MAP2K4: variants seen among roughly 807,000 people sequenced by gnomAD.
MAP2K4 encodes dual specificity mitogen-activated protein kinase kinase 4.
In MAP2K4, 4 loss-of-function variants were observed where a neutral mutation model predicts 48.5. The observed-to-expected ratio is 0.08, with a 90% CI of 0.04 to 0.19. The LOEUF (loss-of-function observed/expected upper bound fraction) is 0.19. Among genes scored for constraint, MAP2K4 ranks in the 10% least tolerant of loss-of-function variants. The pLI is 1.00. For missense variants in MAP2K4, 258 were observed against 493.3 expected (o/e 0.52, Z 4.52); for synonymous variants, 166 against 173.1 (o/e 0.96, Z 0.32).
At chr17:12,115,319 G>A (rs1300054189) in intron 7 of MAP2K4, among the ~76,000 whole-genome samples, 1 of 152,112 alleles carries the variant, frequency 6.6e-6, no homozygotes, top group Non-Finnish European at 1.5e-5. Context: ...CAATTTTGTT[G>A]TGCAAAATCA....
chr17:12,143,039 T>A lies in MAP2K4; in HGVS notation c.*1779T>A, dbSNP rs1266242857. 4.3e-6 allele frequency: 1 copy of A among 232,916 alleles called. No homozygotes were observed. Among genetic ancestry groups the A allele is most frequent in the Non-Finnish European group, 8.5e-6 (1 of 117,880 alleles). The allele number at this position is 232,916 out of a possible 1,614,324, so 14.4% of individuals were successfully genotyped here. A position where few individuals can be genotyped will look rare whatever the true frequency, so the allele number is the denominator to read the frequency against. On this transcript the variant is annotated 3_prime_UTR_variant, in exon 11 of 11. Transcript: ENST00000353533. ...GTAAATTGCAGAATTCAAAAGTGAT[T>A]ATCTCTTTGATCTACTTGCCTCATT...
At chr17:12,110,342 G>T (rs776902856) in intron 5 of MAP2K4, 33 bp from the exon 6 acceptor site, 6 of 1,512,026 alleles carry the variant, frequency 4.0e-6, no homozygotes, top group Non-Finnish European at 5.5e-6. Flanking sequence ...AAAGAAACAA[G>T]TTGTTTATCC....
rs755154596 is a variant in MAP2K4, at chr17:12,081,885, C to T, written c.393+355C>T. ...GAGCCAGGCGGGAGCTGGAAGAAGA[C>T]GCAGCACACTGGGTTGGGCAAGGTG... On this transcript the variant is annotated intron_variant, in intron 3 of 10. Coordinates refer to ENST00000353533, the MANE Select transcript of MAP2K4 (RefSeq NM_003010.4). The surrounding 1 kb of genome is among the most constrained non-coding windows in gnomAD (Gnocchi z 4.2). 1.6e-4 allele frequency: 84 copies of T among 540,364 alleles called. No individual in the cohort carries two copies. Among genetic ancestry groups the T allele is most frequent in the Admixed American group, 7.6e-4 (39 of 51,394 alleles). The allele number at this position is 540,364 out of a possible 1,614,324, so 33.5% of individuals were successfully genotyped here.
intron 1 of MAP2K4, among the ~76,000 whole-genome samples, chr17:12,024,787 A>G (rs1054557206): frequency 6.6e-6 from 1 of 152,210 alleles, no homozygotes. Flanking sequence ...AATTTTAGCC[A>G]ACCTAAAGTA....
At position 12,143,207 on chromosome 17, in the gene MAP2K4, C is replaced by T. The variant is rs1973431024; in HGVS notation, c.*1947C>T. The T allele has an allele frequency of 4.3e-6, 1 of 233,080 alleles. No individual in the cohort carries two copies. The highest frequency in any genetic ancestry group is 2.2e-5 in the African/African-American group (1 of 45,412). The allele number at this position is 233,080 out of a possible 1,614,324, so 14.4% of individuals were successfully genotyped here. A position where few individuals can be genotyped will look rare whatever the true frequency, so the allele number is the denominator to read the frequency against. On this transcript the variant is annotated 3_prime_UTR_variant, in exon 11 of 11. Transcript: ENST00000353533. Reference sequence around the variant, plus strand: ...GACTCAAGAGGAATCTGTTTCTCTGCTGTCAACTTCCCATCTGGCTCAGCA... The same window carrying T: ...GACTCAAGAGGAATCTGTTTCTCTGTTGTCAACTTCCCATCTGGCTCAGCA...
rs1969597177 is a variant in MAP2K4 at position 12,036,351 on chromosome 17, G to GTT, written c.115+15354_115+15355dup. The stretch of plus-strand genomic sequence containing the variant: ...AATTTATCTGTTATTTGAAGATAAT[G>GTT]TTTTTGTACATGTAAAGGTATTTAT... On this transcript the variant is annotated intron_variant, in intron 1 of 10. Coordinates refer to ENST00000353533, the MANE Select transcript of MAP2K4 (RefSeq NM_003010.4). The GTT allele has an allele frequency of 7.2e-5, 11 of 152,186 alleles. 1 individual carries two copies. Among genetic ancestry groups the GTT allele is most frequent in the Admixed American group, 7.2e-4 (11 of 15,284 alleles). 9.4% of individuals were successfully genotyped at this position (152,186 alleles called of 1,614,324 possible).
At chr17:12,129,354 C>G (rs1279100543) in intron 9 of MAP2K4, 67 bp downstream of exon 9, 2 of 1,584,690 alleles carry the variant, frequency 1.3e-6, no homozygotes, top group African/African-American at 2.7e-5. Context: ...TTGGTCTTAG[C>G]AGCATTGGTA....
At chr17:12,052,900 T>C (rs1478367766) in intron 1 of MAP2K4, among the ~76,000 whole-genome samples, 1 of 152,120 alleles carries the variant, frequency 6.6e-6, no homozygotes, top group Non-Finnish European at 1.5e-5. Context: ...GCCCCAAATA[T>C]TCATATCCTT....
chr17:12,104,656 T>C (rs893726870), intron 4 of MAP2K4, among the ~76,000 whole-genome samples: 4 of 152,172 alleles, frequency 2.6e-5, no homozygotes, highest in African/African-American at 9.7e-5. Context: ...TACTGATCTT[T>C]TGTTTCTTTA....
At chr17:12,084,200 A>G (rs1971285347) in intron 3 of MAP2K4, among the ~76,000 whole-genome samples, 1 of 152,198 alleles carries the variant, frequency 6.6e-6, no homozygotes, top group African/African-American at 2.4e-5. Context: ...AATTACCCCA[A>G]AGACTTAATC....
At chr17:12,140,628 T>A (rs1212798728) in intron 10 of MAP2K4, among the ~76,000 whole-genome samples, 1 of 152,168 alleles carries the variant, frequency 6.6e-6, no homozygotes, top group African/African-American at 2.4e-5. Context: ...CTTGGGCCTC[T>A]TTTGGTCAAA....
Position 12,142,007 on chromosome 17 carries a change from A to G in MAP2K4, c.*747A>G, listed in dbSNP as rs910305030. The G allele has an allele frequency of 8.6e-5, 20 of 233,298 alleles. No individual in the cohort carries two copies. Among genetic ancestry groups the G allele is most frequent in the African/African-American group, 4.4e-4 (20 of 45,326 alleles). The allele number at this position is 233,298 out of a possible 1,614,324, so 14.5% of individuals were successfully genotyped here. The stretch of plus-strand genomic sequence containing the variant: ...CAATGGGAAGACTCAGGAGTCTGCC[A>G]CTTGTCAAAGAAGGTGCTGATCCTA... On this transcript the variant is annotated 3_prime_UTR_variant, in exon 11 of 11. Transcript: ENST00000353533.
chr17:12,106,518 G>A (rs554955695), intron 4 of MAP2K4, among the ~76,000 whole-genome samples: 1 of 152,232 alleles, frequency 6.6e-6, no homozygotes, highest in Non-Finnish European at 1.5e-5. Flanking sequence ...TTCATGGGTA[G>A]TGTATTGTTC....
At chr17:12,095,783 T>A in intron 4 of MAP2K4, 89 bp downstream of exon 4, 2 of 1,378,240 alleles carry the variant, frequency 1.5e-6, no homozygotes, top group Non-Finnish European at 2.0e-6. Flanking sequence ...TTAAATGCCA[T>A]ACATTAGTAA....
chr17:12,046,458 T>C (rs1043875582), intron 1 of MAP2K4, among the ~76,000 whole-genome samples: 2 of 152,182 alleles, frequency 1.3e-5, no homozygotes, highest in Non-Finnish European at 2.9e-5. Context: ...TTTTATGGGG[T>C]TGGACTAATC....
rs934494002 is a variant in MAP2K4, at chr17:12,108,024, A to G, written c.633+115A>G. ...CACAGTACCTTCCTGAAAATAATTC[A>G]TAGTTAATAACCAGAGACAAAGTCA... On this transcript the variant is annotated intron_variant, in intron 5 of 10. Transcript: ENST00000353533. 4.2e-6 allele frequency: 4 copies of G among 959,928 alleles called. No homozygotes were observed. The African/African-American group carries it at 6.8e-5, about 16-fold the overall frequency. The allele number at this position is 959,928 out of a possible 1,614,324, so 59.5% of individuals were successfully genotyped here.
chr17:12,137,602 G>A (rs1567677951), intron 9 of MAP2K4, among the ~76,000 whole-genome samples: 1 of 152,122 alleles, frequency 6.6e-6, no homozygotes. Flanking sequence ...AAGCAGTGAA[G>A]AATCAGAACA....
chr17:12,088,302 G>C (rs1971431416), intron 3 of MAP2K4, among the ~76,000 whole-genome samples: 1 of 150,798 alleles, frequency 6.6e-6, no homozygotes, highest in South Asian at 2.1e-4. Context: ...TCTTTAGCAG[G>C]GATTACTTAA....
intron 1 of MAP2K4, chr17:12,032,225 A>G: frequency 8.1e-7 from 1 of 1,228,414 alleles, no homozygotes; most frequent in Non-Finnish European, 1.1e-6. Flanking sequence ...GGTTTGTTTG[A>G]TTTACAGTAA....
Sources: gnomAD v4.1 joint callset for allele counts (sites outside exome capture counted in the v4.1 genomes callset) on GRCh38, gnomAD v4.1.1 for gene constraint, Gnocchi (gnomAD v3.1) non-coding constraint, MANE v1.5 for transcripts, NCBI Gene and HGNC (gene_info 2026-07-23, HGNC 2026-07-21) for gene names.